SERPINB6: variants seen among roughly 807,000 people sequenced by gnomAD.
SERPINB6 encodes serpin B6.
SERPINB6 carries 16 observed loss-of-function variants against 26.1 expected under a neutral mutation model. The ratio of observed to expected loss-of-function variants is 0.61; its 90% CI spans 0.42 to 0.93. SERPINB6 has a LOEUF of 0.93. SERPINB6 is among the 40% of genes least tolerant of loss of function. The pLI is 0.00. For synonymous variants in SERPINB6, 174 were observed against 176.6 expected (o/e 0.99, Z 0.11); for missense variants, 420 against 478.0 (o/e 0.88, Z 1.13).
chr6:2,971,393 G>C (rs904137776), intron 1 of SERPINB6, 140 bp downstream of exon 1: 6 of 169,948 alleles, frequency 3.5e-5, no homozygotes, highest in Non-Finnish European at 7.1e-5. Flanking sequence ...GCGTCCCCGC[G>C]CGCCGTCGAC....
intron 1 of SERPINB6, chr6:2,962,187 G>A (rs1040555230): frequency 1.0e-6 from 1 of 985,372 alleles, no homozygotes; most frequent in Non-Finnish European, 1.2e-6. Flanking sequence ...CCACTGGGGA[G>A]GTGCCTGTCT....
rs373122292 is a variant in SERPINB6 at position 2,953,085 on chromosome 6, C to T, written c.532G>A (p.Asp178Asn). The change falls in exon 5 of 7, where the codon GAC (aspartate) becomes AAC (asparagine). Residue 178 changes from aspartate (D) to asparagine (N), a missense_variant. Coordinates refer to ENST00000380539, the MANE Select transcript of SERPINB6 (RefSeq NM_004568.6). The part of the protein sequence containing the change: ...YFRGNWDEQF[D>N]KENTEERLFK... The stretch of plus-strand genomic sequence containing the variant: ...AGTCTCTCCTCGGTGTTCTCCTTGT[C>T]AAACTGTTCATCCCAGTTTCCTCTG... The T allele has an allele frequency of 5.6e-6, 9 of 1,614,134 alleles. No homozygotes were observed. Among genetic ancestry groups the T allele is most frequent in the South Asian group, 1.1e-5 (1 of 91,088 alleles).
intron 1 of SERPINB6, chr6:2,969,678 T>C: frequency 1.0e-6 from 1 of 985,390 alleles, no homozygotes; most frequent in Non-Finnish European, 1.2e-6. Flanking sequence ...AAGGATGCCT[T>C]TATTTCCTAC....
In SERPINB6 at chr6:2,966,493, G is replaced by A. The variant is rs117054595; in HGVS notation, c.-11+5040C>T. 465 of 774,828 alleles carry A rather than the reference G, an allele frequency of 6.0e-4. 10 individuals are homozygous for A. In the East Asian group the frequency reaches 0.043, roughly 71 times the overall value. 48.0% of individuals were successfully genotyped at this position (774,828 alleles called of 1,614,324 possible). The stretch of plus-strand genomic sequence containing the variant: ...GAGCAGCAGGTGAGCGAACATCACC[G>A]CCTGAGCTCCACCTCCTGTTAGGTC... On this transcript the variant is annotated intron_variant, in intron 1 of 6. Transcript: ENST00000380539.
At chr6:2,970,828 T>C (rs1772078444) in intron 1 of SERPINB6, 1 of 1,230,318 alleles carries the variant, frequency 8.1e-7, no homozygotes, top group Non-Finnish European at 1.0e-6. Flanking sequence ...AGTTTGCCTG[T>C]AGGGAGTTTA....
intron 1 of SERPINB6, chr6:2,970,269 G>A (rs1772021473): frequency 2.0e-6 from 2 of 985,410 alleles, no homozygotes; most frequent in Non-Finnish European, 2.4e-6. Flanking sequence ...GTTTCATGCT[G>A]AATTGTAATA....
chr6:2,957,226 T>G (rs1351025775), intron 2 of SERPINB6: 1 of 152,084 alleles, frequency 6.6e-6, no homozygotes, highest in East Asian at 1.9e-4. Context: ...GAGGATGGAG[T>G]GCCTCCCCCG....
chr6:2,952,948 G>C (rs954682731), intron 5 of SERPINB6, 96 bp downstream of exon 5: 3 of 1,561,188 alleles, frequency 1.9e-6, no homozygotes, highest in African/African-American at 1.3e-5. Context: ...GGAGGGGCAG[G>C]GACAGAAAGG....
At position 2,968,947 on chromosome 6, in the gene SERPINB6, C is replaced by CG. The variant is rs909588453; in HGVS notation, c.-11+2585dup. 12 of 1,220,502 alleles carry CG rather than the reference C, an allele frequency of 9.8e-6. No homozygotes were observed. In the African/African-American group the frequency reaches 1.9e-4, roughly 19 times the overall value. The allele number at this position is 1,220,502 out of a possible 1,614,324, so 75.6% of individuals were successfully genotyped here. A position where few individuals can be genotyped will look rare whatever the true frequency, so the allele number is the denominator to read the frequency against. On this transcript the variant is annotated intron_variant, in intron 1 of 6. Coordinates refer to ENST00000380539, the MANE Select transcript of SERPINB6 (RefSeq NM_004568.6). ...AGATGGGGTGGAAGCAGATGGGGGTCGGGGGGCTTCTACTGGATCTGTAAT... is the reference window on the plus strand; with the variant it reads ...AGATGGGGTGGAAGCAGATGGGGGTCGGGGGGGCTTCTACTGGATCTGTAAT...
At chr6:2,970,885 G>A (rs1012875856) in intron 1 of SERPINB6, 5 of 1,230,834 alleles carry the variant, frequency 4.1e-6, no homozygotes, top group African/African-American at 3.1e-5. Flanking sequence ...CCACACGATC[G>A]TCTCCACAGG....
intron 5 of SERPINB6, among the ~76,000 whole-genome samples, chr6:2,951,388 GAAAAAATA>G (rs1561672102): frequency 9.3e-5 from 8 of 86,368 alleles, no homozygotes; most frequent in Non-Finnish European, 8.3e-5. Flanking sequence ...CTCTGTCTTG[GAAAAAATA>G]AAAAATAAAA....
Position 2,948,588 on chromosome 6 carries a change from C to T in SERPINB6, c.841G>A (p.Asp281Asn), listed in dbSNP as rs150294928. ...AGGTTGCGCAGGACACTCTCCATGT[C>T]GTAGCTTTCCTCTAGTTTAAACCGC... ...LPRFKLEESY[D>N]MESVLRNLGM... The change falls in exon 7 of 7, where the codon GAC (aspartate) becomes AAC (asparagine). Residue 281 changes from aspartate to asparagine, a missense_variant. Coordinates refer to ENST00000380539, the MANE Select transcript of SERPINB6 (RefSeq NM_004568.6). The surrounding 1 kb of genome is among the most constrained non-coding windows in gnomAD (Gnocchi z 5.0). 1.5e-5 allele frequency: 24 copies of T among 1,614,070 alleles called. No homozygotes were observed. Among genetic ancestry groups the T allele is most frequent in the South Asian group, 3.3e-5 (3 of 91,082 alleles).
Position 2,955,679 on chromosome 6 carries a change from A to G in SERPINB6, c.166-9T>C, listed in dbSNP as rs1158282474. On this transcript the variant is annotated splice_polypyrimidine_tract_variant and intron_variant, in intron 2 of 6. Transcript: ENST00000380539. Reference sequence around the variant, plus strand: ...TTATTGAAAGAAAGTATCTGAAATCAAAAACAGAATGAAAACAAATCATTC... The same window carrying G: ...TTATTGAAAGAAAGTATCTGAAATCGAAAACAGAATGAAAACAAATCATTC... 1.9e-6 allele frequency: 3 copies of G among 1,613,962 alleles called. No individual in the cohort carries two copies. Among genetic ancestry groups the G allele is most frequent in the Non-Finnish European group, 2.5e-6 (3 of 1,180,008 alleles).
chr6:2,962,408 G>T (rs115058291), intron 1 of SERPINB6, among the ~76,000 whole-genome samples: 197 of 152,290 alleles, frequency 1.3e-3, no homozygotes, highest in Non-Finnish European at 2.2e-3. Context: ...GGAGGAGATG[G>T]CACGAGTCAG....
chr6:2,970,974 G>T lies in SERPINB6; in HGVS notation c.-11+559C>A, dbSNP rs114739994. ...GTGAACACACGCAGGGGGCCCGGAT[G>T]GCACCGTTTGGCGCCGAACCCCTCG... On this transcript the variant is annotated intron_variant, in intron 1 of 6. Transcript: ENST00000380539. The T allele has an allele frequency of 2.4e-3, 2,784 of 1,182,500 alleles. 49 individuals carry two copies. In the African/African-American group the frequency reaches 0.059, roughly 25 times the overall value. 73.3% of individuals were successfully genotyped at this position (1,182,500 alleles called of 1,614,324 possible). A position where few individuals can be genotyped will look rare whatever the true frequency, so the allele number is the denominator to read the frequency against.
At chr6:2,969,633 G>A in intron 1 of SERPINB6, 9 of 984,612 alleles carry the variant, frequency 9.1e-6, no homozygotes, top group Non-Finnish European at 1.1e-5. Context: ...TTTTTTTTAG[G>A]TGTCACTATT....
At position 2,948,894 on chromosome 6, in the gene SERPINB6, G is replaced by T. The variant is rs374316780; in HGVS notation, c.729+20C>A. On this transcript the variant is annotated intron_variant, in intron 6 of 6. Transcript: ENST00000380539. This position sits in a 1 kb window ranked among gnomAD's most constrained non-coding sequence, Gnocchi z 5.0. ...GAGTGGCTCCTTGCTAGCACGCCTCGCTCACAGCTTAGCTGTTACCGTTCT... is the reference window on the plus strand; with the variant it reads ...GAGTGGCTCCTTGCTAGCACGCCTCTCTCACAGCTTAGCTGTTACCGTTCT... The T allele has an allele frequency of 1.9e-6, 3 of 1,613,954 alleles. No individual in the cohort carries two copies. The Admixed American group carries it at 5.0e-5, about 27-fold the overall frequency.
At chr6:2,949,606 G>A (rs1408286730) in intron 5 of SERPINB6, among the ~76,000 whole-genome samples, 1 of 152,172 alleles carries the variant, frequency 6.6e-6, no homozygotes, top group Non-Finnish European at 1.5e-5. Context: ...GCTCTACCTC[G>A]AGAATATAAC....
chr6:2,968,873 A>G (rs1771873204), intron 1 of SERPINB6: 2 of 1,230,674 alleles, frequency 1.6e-6, no homozygotes, highest in South Asian at 8.3e-5. Flanking sequence ...TCCGGGAACC[A>G]GCAAATGGGA....
Sources: allele counts gnomAD v4.1 joint callset (sites outside exome capture counted in the v4.1 genomes callset), GRCh38; gene constraint gnomAD v4.1.1; non-coding constraint Gnocchi (gnomAD v3.1); transcripts MANE v1.5; gene names NCBI Gene and HGNC (gene_info 2026-07-23, HGNC 2026-07-21).